The following NIM1K variants were observed in gnomAD, a reference collection of about 807,000 sequenced individuals.
NIM1K encodes the protein serine/threonine-protein kinase NIM1.
NIM1K carries 35 observed loss-of-function variants against 37.1 expected under a neutral mutation model. That is an observed-to-expected ratio of 0.94 (90% confidence interval 0.72 to 1.25). The LOEUF is 1.25. Among genes scored for constraint, NIM1K ranks in the 50% most tolerant of loss-of-function variants. The probability of loss-of-function intolerance (pLI) is 0.00; values close to 1 mark genes in which losing one functional copy is unlikely to be tolerated. For missense variants in NIM1K, 564 were observed against 548.0 expected (o/e 1.03, Z -0.29); for synonymous variants, 234 against 206.6 (o/e 1.13, Z -1.14).
intron 2 of NIM1K, among the ~76,000 whole-genome samples, chr5:43,260,882 T>G (rs1175019014): frequency 6.6e-6 from 1 of 152,160 alleles, no homozygotes; most frequent in Admixed American, 6.6e-5. Flanking sequence ...GTCCTTGCGA[T>G]AGTTTGCTCA....
chr5:43,246,451 C>T (rs1283714347), intron 2 of NIM1K, among the ~76,000 whole-genome samples: 2 of 151,842 alleles, frequency 1.3e-5, no homozygotes, highest in Non-Finnish European at 2.9e-5. Flanking sequence ...GGAACCAAGC[C>T]ACCTCATCTC....
intron 2 of NIM1K, among the ~76,000 whole-genome samples, chr5:43,272,955 T>A (rs887818293): frequency 3.9e-5 from 6 of 152,146 alleles, no homozygotes; most frequent in Non-Finnish European, 5.9e-5. Context: ...GCTTTGCTAT[T>A]ACCACCCTGG....
chr5:43,274,936 A>G (rs1441082360), intron 2 of NIM1K, among the ~76,000 whole-genome samples: 1 of 152,142 alleles, frequency 6.6e-6, no homozygotes, highest in Non-Finnish European at 1.5e-5. Flanking sequence ...TTGCCAGGTA[A>G]CCTCTTTGTT....
At chr5:43,220,860 G>A (rs1180531447) in intron 1 of NIM1K, among the ~76,000 whole-genome samples, 2 of 152,090 alleles carry the variant, frequency 1.3e-5, no homozygotes, top group Non-Finnish European at 2.9e-5. Flanking sequence ...TGAAGAAGCC[G>A]AGAGAAGAAG....
chr5:43,207,017 C>G (rs1166059153), intron 1 of NIM1K: 1 of 746,246 alleles, frequency 1.3e-6, no homozygotes, highest in African/African-American at 1.7e-5. Context: ...GCGGGTAAAA[C>G]AATTACCACC....
chr5:43,203,726 A>AT (rs1160856737), intron 1 of NIM1K, among the ~76,000 whole-genome samples: 2 of 152,116 alleles, frequency 1.3e-5, no homozygotes, highest in African/African-American at 4.8e-5. Flanking sequence ...TCAACTTTCC[A>AT]TAAAAAATCC....
intron 1 of NIM1K, among the ~76,000 whole-genome samples, chr5:43,244,301 A>G (rs548689108): frequency 4.6e-5 from 7 of 152,372 alleles, no homozygotes; most frequent in Non-Finnish European, 1.0e-4. Context: ...CTTATACTCC[A>G]TTTTGAAGGA....
intron 1 of NIM1K, chr5:43,232,249 G>A: frequency 2.8e-6 from 3 of 1,075,428 alleles, no homozygotes; most frequent in Non-Finnish European, 4.3e-6. Flanking sequence ...ATTTACCATG[G>A]CAAGGCTCAC....
intron 2 of NIM1K, among the ~76,000 whole-genome samples, chr5:43,260,089 T>G (rs957317705): frequency 6.6e-6 from 1 of 152,104 alleles, no homozygotes; most frequent in Non-Finnish European, 1.5e-5. Context: ...AGTTGGTTGT[T>G]AGTTTTAAAA....
At chr5:43,215,270 G>T (rs1752283449) in intron 1 of NIM1K, among the ~76,000 whole-genome samples, 1 of 152,216 alleles carries the variant, frequency 6.6e-6, no homozygotes, top group Non-Finnish European at 1.5e-5. Flanking sequence ...CCAACATTGT[G>T]TAATCACTTC....
intron 1 of NIM1K, among the ~76,000 whole-genome samples, chr5:43,194,317 T>C (rs768349477): frequency 3.3e-5 from 5 of 152,202 alleles, no homozygotes; most frequent in Non-Finnish European, 5.9e-5. Flanking sequence ...TGGACTGGTG[T>C]TTGGTGTGCC....
chr5:43,218,724 C>G (rs202194214), intron 1 of NIM1K, among the ~76,000 whole-genome samples: 1 of 141,126 alleles, frequency 7.1e-6, no homozygotes, highest in Non-Finnish European at 1.5e-5. Context: ...TTCTTCTTTT[C>G]TTTTTTTTTT....
chr5:43,212,747 A>G (rs1024873499), intron 1 of NIM1K, among the ~76,000 whole-genome samples: 2 of 152,176 alleles, frequency 1.3e-5, no homozygotes, highest in Non-Finnish European at 2.9e-5. Context: ...AGCTAAATAT[A>G]TCACTGCGAT....
intron 1 of NIM1K, among the ~76,000 whole-genome samples, chr5:43,222,591 G>A (rs1029245771): frequency 6.6e-6 from 1 of 152,008 alleles, no homozygotes; most frequent in South Asian, 2.1e-4. Context: ...AAAACTAGCC[G>A]AGCATGGTGG....
chr5:43,247,607 A>G (rs1483491422), intron 2 of NIM1K, among the ~76,000 whole-genome samples: 1 of 152,198 alleles, frequency 6.6e-6, no homozygotes, highest in Non-Finnish European at 1.5e-5. Flanking sequence ...AGAGCTTCTG[A>G]TGTGATTGGT....
chr5:43,234,845 G>T lies in NIM1K; in HGVS notation c.-694-10237G>T, dbSNP rs112455489. Among the ~76,000 whole-genome samples the T allele has an allele frequency of 1.2e-4, 19 of 152,142 alleles. 1 individual carries two copies. Among genetic ancestry groups the T allele is most frequent in the African/African-American group, 4.6e-4 (19 of 41,516 alleles). On this transcript the variant is annotated intron_variant, in intron 1 of 3. Transcript: ENST00000326035. Reference sequence around the variant, plus strand: ...AGGCAGGGTTTCACCATATTGGCCAGGCTGGTCTCAAACTCCTGACCTCAC... The same window carrying T: ...AGGCAGGGTTTCACCATATTGGCCATGCTGGTCTCAAACTCCTGACCTCAC...
intron 1 of NIM1K, among the ~76,000 whole-genome samples, chr5:43,218,686 A>G (rs1251017002): frequency 6.7e-6 from 1 of 150,192 alleles, no homozygotes; most frequent in African/African-American, 2.5e-5. Flanking sequence ...ATTAGGTCCC[A>G]CCTCCTTCAT....
chr5:43,201,325 C>T (rs1752017531), intron 1 of NIM1K, among the ~76,000 whole-genome samples: 2 of 151,262 alleles, frequency 1.3e-5, no homozygotes, highest in African/African-American at 2.4e-5. Context: ...AGGAGAATGG[C>T]GTGAACCTGG....
rs1459365994 is a variant in NIM1K at position 43,279,233 on chromosome 5, A to G, written c.562-747A>G. On this transcript the variant is annotated intron_variant, in intron 3 of 3. Coordinates refer to ENST00000326035, the MANE Select transcript of NIM1K (RefSeq NM_153361.4). Reference sequence around the variant, plus strand: ...TCATATATAGTTCTCACCACAGCCTATGGTTATCAGTATCCCACTTTACAG... The same window carrying G: ...TCATATATAGTTCTCACCACAGCCTGTGGTTATCAGTATCCCACTTTACAG... Among the ~76,000 whole-genome samples the G allele has an allele frequency of 2.0e-5, 3 of 152,170 alleles. No individual in the cohort carries two copies. The East Asian group carries it at 5.8e-4, about 29-fold the overall frequency.
Sources: allele counts gnomAD v4.1 joint callset (sites outside exome capture counted in the v4.1 genomes callset), GRCh38; gene constraint gnomAD v4.1.1; transcripts MANE v1.5; gene names NCBI Gene and HGNC (gene_info 2026-07-23, HGNC 2026-07-21).